The following LRR1 variants were observed in gnomAD, a reference collection of about 807,000 sequenced individuals.
LRR1 encodes leucine rich repeat protein 1.
A neutral mutation model predicts 31.6 loss-of-function variants in LRR1; 29 were observed. The observed-to-expected ratio is 0.92, with a 90% CI of 0.68 to 1.25. The LOEUF is 1.25. Among genes scored for constraint, LRR1 ranks in the 50% most tolerant of loss-of-function variants. The pLI, the probability that LRR1 is intolerant of heterozygous loss-of-function variation, is 0.00. For synonymous variants in LRR1, 179 were observed against 181.4 expected (o/e 0.99, Z 0.10); for missense variants, 485 against 487.2 (o/e 1.00, Z 0.04).
In LRR1 at chr14:49,614,498, G is replaced by T; in HGVS notation, c.*2G>T. 2 of 1,613,186 alleles carry T rather than the reference G, an allele frequency of 1.2e-6. No homozygotes were observed. The highest frequency in any genetic ancestry group is 1.1e-5 in the South Asian group (1 of 90,918). Reference sequence around the variant, plus strand: ...AATTCCTCTGATATGTTAAAGTAATGGGTGAGACCAGAAAAAGAAATTTCA... The same window carrying T: ...AATTCCTCTGATATGTTAAAGTAATTGGTGAGACCAGAAAAAGAAATTTCA... On this transcript the variant is annotated 3_prime_UTR_variant, in exon 4 of 4. Coordinates refer to ENST00000298288, the MANE Select transcript of LRR1 (RefSeq NM_152329.4).
At chr14:49,610,411 G>C (rs529377267) in intron 3 of LRR1, among the ~76,000 whole-genome samples, 1 of 151,324 alleles carries the variant, frequency 6.6e-6, no homozygotes, top group African/African-American at 2.4e-5. Flanking sequence ...CCGCCACCAC[G>C]GCTGGCTATT....
chr14:49,607,032 G>GT (rs1882312657), intron 2 of LRR1, among the ~76,000 whole-genome samples: 1 of 146,930 alleles, frequency 6.8e-6, no homozygotes, highest in African/African-American at 2.5e-5. Flanking sequence ...CTTTATTTTT[G>GT]TTATTTTTTT....
intron 2 of LRR1, among the ~76,000 whole-genome samples, chr14:49,603,835 G>A (rs1391834927): frequency 6.6e-6 from 1 of 151,404 alleles, no homozygotes; most frequent in Non-Finnish European, 1.5e-5. Flanking sequence ...TGGGATTACA[G>A]GCACGTGCCG....
intron 2 of LRR1, chr14:49,603,663 C>A: frequency 1.0e-6 from 1 of 1,001,940 alleles, no homozygotes; most frequent in Non-Finnish European, 1.2e-6. Flanking sequence ...CTGTGCCTGG[C>A]CCTTACTGTA....
chr14:49,603,782 C>T (rs1882180010), intron 2 of LRR1, among the ~76,000 whole-genome samples: 1 of 149,614 alleles, frequency 6.7e-6, no homozygotes, highest in Non-Finnish European at 1.5e-5. Context: ...CAACCTCCAC[C>T]TCCCGGGTTC....
chr14:49,609,677 G>C (rs536775677), intron 3 of LRR1, among the ~76,000 whole-genome samples: 3 of 151,700 alleles, frequency 2.0e-5, no homozygotes, highest in East Asian at 3.9e-4. Flanking sequence ...AAAGTGCCGG[G>C]ATTACAGGTG....
At chr14:49,610,881 C>T (rs1882487625) in intron 3 of LRR1, among the ~76,000 whole-genome samples, 1 of 152,134 alleles carries the variant, frequency 6.6e-6, no homozygotes, top group Non-Finnish European at 1.5e-5. Context: ...TTCTTGAACG[C>T]ATGTCTGGAA....
intron 1 of LRR1, among the ~76,000 whole-genome samples, chr14:49,599,824 G>C (rs192623780): frequency 0.7 from 101,926 of 145,674 alleles, 36,739 homozygotes; most frequent in Non-Finnish European, 0.74. Flanking sequence ...GCGGGCCTGC[G>C]GCCCTCTCCC....
intron 3 of LRR1, among the ~76,000 whole-genome samples, chr14:49,611,901 G>T (rs1445749588): frequency 1.3e-5 from 2 of 150,176 alleles, no homozygotes; most frequent in Admixed American, 6.7e-5. Context: ...TACAGCCTGG[G>T]CTGCAGAGTG....
In LRR1 at chr14:49,600,336, C is replaced by T. The variant is rs995157886; in HGVS notation, c.183+1133C>T. On this transcript the variant is annotated intron_variant, in intron 1 of 3. Coordinates refer to ENST00000298288, the MANE Select transcript of LRR1 (RefSeq NM_152329.4). ...ACTTAAGGAATACGCACCAAATGTA[C>T]CCTTTTTATTAATAGGAGCTCAGAT... 62 of 1,533,870 alleles carry T rather than the reference C, an allele frequency of 4.0e-5. No homozygotes were observed. In the African/African-American group the frequency reaches 8.1e-4, roughly 20 times the overall value.
intron 1 of LRR1, among the ~76,000 whole-genome samples, chr14:49,601,906 G>A (rs1456232674): frequency 1.3e-5 from 2 of 151,822 alleles, no homozygotes; most frequent in African/African-American, 2.4e-5. Flanking sequence ...GCCCAGGCAG[G>A]CAGATCACTT....
chr14:49,611,916 T>A (rs959671295), intron 3 of LRR1, among the ~76,000 whole-genome samples: 2 of 122,086 alleles, frequency 1.6e-5, no homozygotes, highest in African/African-American at 3.2e-5. Context: ...AGAGTGAGAC[T>A]GCGTCTCAAA....
chr14:49,611,632 G>A (rs1882515496), intron 3 of LRR1, among the ~76,000 whole-genome samples: 1 of 150,872 alleles, frequency 6.6e-6, no homozygotes. Flanking sequence ...GAAATTGTAA[G>A]AATTGTAAGG....
intron 2 of LRR1, among the ~76,000 whole-genome samples, chr14:49,605,507 A>G (rs1882245538): frequency 6.6e-6 from 1 of 152,174 alleles, no homozygotes; most frequent in Non-Finnish European, 1.5e-5. Flanking sequence ...TGATCTTTTC[A>G]CTTGTCTATC....
rs1192131820 is a variant in LRR1 at position 49,603,681 on chromosome 14, CTTTTTTTTTTT to C, written c.282+1230_282+1240del. 10 of 674,922 alleles carry C rather than the reference CTTTTTTTTTTT, an allele frequency of 1.5e-5. No individual in the cohort carries two copies. The Admixed American group carries it at 1.3e-3, about 90-fold the overall frequency. The allele number at this position is 674,922 out of a possible 1,614,324, so 41.8% of individuals were successfully genotyped here. A position where few individuals can be genotyped will look rare whatever the true frequency, so the allele number is the denominator to read the frequency against. ...TGCCTGGCCCTTACTGTAATCATTC[CTTTTTTTTTTT>C]TTTTTTTTTTTTTTTTAATGAGACA... On this transcript the variant is annotated intron_variant, in intron 2 of 3. Coordinates refer to ENST00000298288, the MANE Select transcript of LRR1 (RefSeq NM_152329.4).
chr14:49,598,955 G>T lies in LRR1; in HGVS notation c.-66G>T. 2 of 1,525,358 alleles carry T rather than the reference G, an allele frequency of 1.3e-6. No individual in the cohort carries two copies. Among genetic ancestry groups the T allele is most frequent in the South Asian group, 1.2e-5 (1 of 80,732 alleles). The allele number at this position is 1,525,358 out of a possible 1,614,324, so 94.5% of individuals were successfully genotyped here. A position where few individuals can be genotyped will look rare whatever the true frequency, so the allele number is the denominator to read the frequency against. ...CCGCGTGCGCGAGGACCCCGATGGC[G>T]GCGCCGGGTGGCGGGAAGGAGGAAG... On this transcript the variant is annotated 5_prime_UTR_variant, in exon 1 of 4. Transcript: ENST00000298288.
chr14:49,602,789 A>G (rs1882113686), intron 2 of LRR1, among the ~76,000 whole-genome samples: 1 of 152,022 alleles, frequency 6.6e-6, no homozygotes, highest in Admixed American at 6.6e-5. Flanking sequence ...ATGAGCCACC[A>G]TACTTGGCCT....
At chr14:49,600,667 A>T in intron 1 of LRR1, 3 of 1,407,076 alleles carry the variant, frequency 2.1e-6, no homozygotes, top group Non-Finnish European at 2.9e-6. Context: ...AAGCAAATGA[A>T]ATGCTGCAGC....
At position 49,602,387 on chromosome 14, in the gene LRR1, G is replaced by A; in HGVS notation, c.201G>A (p.Glu67=). The A allele has an allele frequency of 6.2e-7, 1 of 1,613,498 alleles. No individual in the cohort carries two copies. Among genetic ancestry groups the A allele is most frequent in the Non-Finnish European group, 8.5e-7 (1 of 1,179,756 alleles). ...TTATGCAGCTAAGGGAGAACATTGA[G>A]CAATTCTTCACCAAATTTGTAGATG... ...GTRYELRENI[E]QFFTKFVDEG... is the part of the protein sequence containing the mutation. Residue 67 remains glutamate (E), a synonymous_variant, in exon 2 of 4, where the codon GAG becomes GAA. Coordinates refer to ENST00000298288, the MANE Select transcript of LRR1 (RefSeq NM_152329.4).
Sources: allele counts gnomAD v4.1 joint callset (sites outside exome capture counted in the v4.1 genomes callset), GRCh38; gene constraint gnomAD v4.1.1; transcripts MANE v1.5; gene names NCBI Gene and HGNC (gene_info 2026-07-23, HGNC 2026-07-21).